Variants in SAV1 observed in about 807,000 individuals in gnomAD.
SAV1 encodes the protein salvador family WW domain containing protein 1.
In SAV1, 23 loss-of-function variants were observed where a neutral mutation model predicts 47.3. The ratio of observed to expected loss-of-function variants is 0.49; its 90% CI spans 0.35 to 0.69. SAV1 has a LOEUF of 0.69. Ranked by LOEUF, SAV1 falls within the 30% of genes least tolerant of loss-of-function variation. The pLI is 0.01. For missense variants in SAV1, 448 were observed against 457.4 expected, an observed-to-expected ratio of 0.98 and a Z score of 0.19; for synonymous variants, 155 against 159.2, an observed-to-expected ratio of 0.97 and a Z score of 0.20.
At chr14:50,660,673 CCTACT>C (rs909427961) in intron 2 of SAV1, among the ~76,000 whole-genome samples, 13 of 152,060 alleles carry the variant, frequency 8.5e-5, no homozygotes, top group African/African-American at 2.9e-4. Context: ...CTGTAGTTAC[CCTACT>C]CTGCTATCAA....
chr14:50,635,583 G>A (rs529814249), intron 4 of SAV1, among the ~76,000 whole-genome samples, 199 bp from the exon 5 acceptor site: 7 of 152,256 alleles, frequency 4.6e-5, no homozygotes, highest in African/African-American at 1.4e-4. Context: ...GGAGGCTGAG[G>A]TGGGAGGACT....
intron 2 of SAV1, among the ~76,000 whole-genome samples, chr14:50,649,173 C>A (rs2039747343): frequency 1.3e-5 from 2 of 152,212 alleles, no homozygotes; most frequent in African/African-American, 4.8e-5. Context: ...CCTCTTCAAG[C>A]CTCTTCTCAA....
chr14:50,644,056 C>T (rs532692504), intron 3 of SAV1, among the ~76,000 whole-genome samples: 2 of 152,290 alleles, frequency 1.3e-5, no homozygotes, highest in African/African-American at 2.4e-5. Flanking sequence ...TAAACTAATA[C>T]TAGCTTTTAT....
At chr14:50,636,931 T>A (rs78451673) in intron 4 of SAV1, among the ~76,000 whole-genome samples, 4,856 of 152,298 alleles carry the variant, frequency 0.032, 266 homozygotes, top group African/African-American at 0.11. Context: ...TAATGATCGT[T>A]TATAGTATTT....
At chr14:50,642,782 C>T (rs1414099298) in intron 3 of SAV1, among the ~76,000 whole-genome samples, 2 of 152,144 alleles carry the variant, frequency 1.3e-5, no homozygotes, top group Non-Finnish European at 2.9e-5. Context: ...GATCAATATG[C>T]AAATGGAACT....
At chr14:50,667,599 A>G (rs2039913608) in intron 1 of SAV1, 1 of 505,498 alleles carries the variant, frequency 2.0e-6, no homozygotes, top group Non-Finnish European at 3.6e-6. Flanking sequence ...CCAGTAATCA[A>G]AACCAACAAC....
At position 50,644,592 on chromosome 14, in the gene SAV1, A is replaced by T. The variant is rs145816548; in HGVS notation, c.806+152T>A. On this transcript the variant is annotated intron_variant, in intron 3 of 4. Transcript: ENST00000324679. The stretch of plus-strand genomic sequence containing the variant: ...AACTTATTAAAGTCATTTATTACTA[A>T]ATGTATGTCCAGAGAAAAATGTAAA... 8.2e-4 allele frequency: 526 copies of T among 638,948 alleles called. 2 individuals carry two copies. In the African/African-American group the frequency reaches 8.7e-3, roughly 11 times the overall value. 39.6% of individuals were successfully genotyped at this position (638,948 alleles called of 1,614,324 possible).
At chr14:50,637,290 G>T (rs2039642229) in intron 4 of SAV1, among the ~76,000 whole-genome samples, 1 of 152,156 alleles carries the variant, frequency 6.6e-6, no homozygotes, top group Non-Finnish European at 1.5e-5. Flanking sequence ...GAGTGATACT[G>T]TAAGAAATAC....
In SAV1 at chr14:50,655,434, T is replaced by C. The variant is rs200494057; in HGVS notation, c.535+9745A>G. ...TTATTAAAAACAAAAGCTGCCTTTT[T>C]TTTTTTTTTTGAGACAGAGTCTAGC... On this transcript the variant is annotated intron_variant, in intron 2 of 4. Transcript: ENST00000324679. 2.3e-4 allele frequency among the ~76,000 whole-genome samples: 35 copies of C among 151,862 alleles called. No homozygotes were observed. The East Asian group carries it at 5.4e-3, about 24-fold the overall frequency.
intron 3 of SAV1, among the ~76,000 whole-genome samples, chr14:50,641,703 A>G (rs1194307330): frequency 6.6e-6 from 1 of 152,240 alleles, no homozygotes; most frequent in Non-Finnish European, 1.5e-5. Context: ...TTAAAAAGTC[A>G]AAAAATAACA....
Position 50,668,023 on chromosome 14 carries a change from G to T in SAV1, c.-56C>A, listed in dbSNP as rs1465240998. Reference sequence around the variant, plus strand: ...ACTGCCTCCCTAGGGCTCCGCGCCGGGCGCCGGCCGTCTCCGCCGCCACCT... The same window carrying T: ...ACTGCCTCCCTAGGGCTCCGCGCCGTGCGCCGGCCGTCTCCGCCGCCACCT... On this transcript the variant is annotated 5_prime_UTR_variant, in exon 1 of 5. Coordinates refer to ENST00000324679, the MANE Select transcript of SAV1 (RefSeq NM_021818.4). 3 of 1,345,928 alleles carry T rather than the reference G, an allele frequency of 2.2e-6. No individual in the cohort carries two copies. The highest frequency in any genetic ancestry group is 1.5e-5 in the African/African-American group (1 of 66,150). 83.4% of individuals were successfully genotyped at this position (1,345,928 alleles called of 1,614,324 possible). A position where few individuals can be genotyped will look rare whatever the true frequency, so the allele number is the denominator to read the frequency against.
intron 2 of SAV1, chr14:50,663,145 G>A (rs1311144801): frequency 6.6e-6 from 1 of 152,074 alleles, no homozygotes; most frequent in Non-Finnish European, 1.5e-5. Flanking sequence ...ACAACATGAA[G>A]AAAATCATTC....
At chr14:50,657,668 T>C (rs1201054762) in intron 2 of SAV1, among the ~76,000 whole-genome samples, 1 of 152,228 alleles carries the variant, frequency 6.6e-6, no homozygotes, top group East Asian at 1.9e-4. Flanking sequence ...AGAACAAAAT[T>C]ACCTTTCTGT....
chr14:50,656,609 A>AT (rs1337347888), intron 2 of SAV1, among the ~76,000 whole-genome samples: 65 of 151,796 alleles, frequency 4.3e-4, no homozygotes, highest in African/African-American at 1.5e-3. Flanking sequence ...CACCTGGCTA[A>AT]TTTTTTGTAT....
intron 4 of SAV1, 152 bp downstream of exon 4, chr14:50,640,598 A>G: frequency 2.4e-5 from 12 of 502,860 alleles, no homozygotes. Context: ...CACATTATAA[A>G]CTATGACATC....
intron 2 of SAV1, among the ~76,000 whole-genome samples, chr14:50,656,760 A>T (rs1430604281): frequency 1.3e-5 from 2 of 152,146 alleles, no homozygotes; most frequent in Non-Finnish European, 2.9e-5. Flanking sequence ...ACTTTCTGAA[A>T]GCACAATGTG....
chr14:50,633,794 A>G lies in SAV1; in HGVS notation c.*1389T>C, dbSNP rs2039607551. On this transcript the variant is annotated 3_prime_UTR_variant, in exon 5 of 5. Transcript: ENST00000324679. ...CTAAAAGTATATTTACATATTTACA[A>G]CACATGTAAATATAACTGAAGAACT... 1 of 153,544 alleles carries G rather than the reference A, an allele frequency of 6.5e-6. No individual in the cohort carries two copies. Among genetic ancestry groups the G allele is most frequent in the African/African-American group, 2.4e-5 (1 of 41,468 alleles). 9.5% of individuals were successfully genotyped at this position (153,544 alleles called of 1,614,324 possible).
chr14:50,645,051 A>C (rs766088749), intron 2 of SAV1, 37 bp from the exon 3 acceptor site: 19 of 1,562,208 alleles, frequency 1.2e-5, no homozygotes, highest in Non-Finnish European at 1.6e-5. Flanking sequence ...AAGAAACAGA[A>C]CAATTATTCA....
In SAV1 at chr14:50,636,643, C is replaced by A. The variant is rs117314109; in HGVS notation, c.951-1259G>T. Among the ~76,000 whole-genome samples the A allele has an allele frequency of 2.0e-5, 3 of 152,076 alleles. No homozygotes were observed. The East Asian group carries it at 5.8e-4, about 29-fold the overall frequency. The stretch of plus-strand genomic sequence containing the variant: ...CCATTTCAGTATGTGATGAAGACAG[C>A]ACTGTAATTAATATTCTCATTTTAA... On this transcript the variant is annotated intron_variant, in intron 4 of 4. Coordinates refer to ENST00000324679, the MANE Select transcript of SAV1 (RefSeq NM_021818.4).
Sources: gnomAD v4.1 joint callset for allele counts (sites outside exome capture counted in the v4.1 genomes callset) on GRCh38, gnomAD v4.1.1 for gene constraint, MANE v1.5 for transcripts, NCBI Gene and HGNC (gene_info 2026-07-23, HGNC 2026-07-21) for gene names.